SMARCA1: variants seen among roughly 807,000 people sequenced by gnomAD.
SMARCA1 encodes the protein SWI/SNF-related matrix-associated actin-dependent regulator of chromatin subfamily A member 1.
In SMARCA1, 17 loss-of-function variants were observed where a neutral mutation model predicts 93.6. That is an observed-to-expected ratio of 0.18 (90% CI 0.12 to 0.27). The LOEUF (loss-of-function observed/expected upper bound fraction) is 0.27. Ranked by LOEUF, SMARCA1 falls within the 10% of genes least tolerant of loss-of-function variation. The pLI, the probability that SMARCA1 is intolerant of heterozygous loss-of-function variation, is 1.00. For synonymous variants in SMARCA1, 271 were observed against 271.4 expected (o/e 1.00, Z 0.01); for missense variants, 630 against 819.0 (o/e 0.77, Z 2.82).
intron 24 of SMARCA1, 86 bp from the exon 25 acceptor site, chrX:129,447,319 T>TA (rs879017238): frequency 1.1e-3 from 1,055 of 975,493 alleles, no homozygotes; most frequent in Non-Finnish European, 1.2e-3. Flanking sequence ...GTAAATGCAT[T>TA]AAAAAAAAAT....
Position 129,487,022 on chromosome X carries a change from T to C in SMARCA1, c.2213A>G (p.Gln738Arg), listed in dbSNP as rs1220582729. Reference protein sequence around the residue: ...KFEGEDYREKQKLGMVEWIEP... With the variant: ...KFEGEDYREKRKLGMVEWIEP... ...TGGTTGAGAGTAAAAAGTTACCTTC[T>C]GTTTTTCTCTATAATCTTCTCCCTC... The change falls in exon 17 of 25, where the codon CAG (glutamine) becomes CGG (arginine). Residue 738 changes from glutamine to arginine, a missense_variant. Physicochemically the swap from Gln to Arg is conservative, Grantham distance 43. Coordinates refer to ENST00000371121, the MANE Select transcript of SMARCA1 (RefSeq NM_001282874.2). 1.7e-6 allele frequency: 2 copies of C among 1,170,034 alleles called. No homozygotes were observed. Among genetic ancestry groups the C allele is most frequent in the Non-Finnish European group, 2.3e-6 (2 of 868,937 alleles).
intron 5 of SMARCA1, among the ~76,000 whole-genome samples, chrX:129,515,230 C>T (rs1023326605): frequency 9.1e-6 from 1 of 110,106 alleles, no homozygotes; most frequent in African/African-American, 3.3e-5. Context: ...GGTGACTTAA[C>T]GAAACAATTC....
intron 9 of SMARCA1, among the ~76,000 whole-genome samples, chrX:129,501,440 C>T (rs1213920102): frequency 3.7e-5 from 4 of 109,264 alleles, no homozygotes; most frequent in Non-Finnish European, 5.7e-5. Context: ...GGACTACAGG[C>T]GCACGCCACC....
At chrX:129,459,950 G>C (rs960521196) in intron 23 of SMARCA1, among the ~76,000 whole-genome samples, 12 of 110,974 alleles carry the variant, frequency 1.1e-4, no homozygotes, top group African/African-American at 3.6e-4. Context: ...AGGTGTTCAA[G>C]ACCAGCCTGG....
At chrX:129,497,417 T>A (rs1001112989) in intron 11 of SMARCA1, among the ~76,000 whole-genome samples, 4 of 111,799 alleles carry the variant, frequency 3.6e-5, no homozygotes, top group Non-Finnish European at 7.5e-5. Flanking sequence ...TCTTTCCAGA[T>A]TCATCAACTG....
At chrX:129,511,688 C>A (rs1206286259) in intron 6 of SMARCA1, 116 bp downstream of exon 6, 10 of 539,408 alleles carry the variant, frequency 1.9e-5, no homozygotes, top group Non-Finnish European at 3.0e-5. Flanking sequence ...AGTACATACA[C>A]CTTAAGTCTT....
At chrX:129,488,876 T>A (rs753864445) in intron 16 of SMARCA1, 61 bp downstream of exon 16, 11 of 708,603 alleles carry the variant, frequency 1.6e-5, no homozygotes, top group Non-Finnish European at 2.4e-5. Flanking sequence ...AATATAAGTA[T>A]GCTGAAGTAT....
At chrX:129,454,069 G>C (rs768994646) in intron 23 of SMARCA1, among the ~76,000 whole-genome samples, 21 of 111,836 alleles carry the variant, frequency 1.9e-4, no homozygotes, top group African/African-American at 6.8e-4. Flanking sequence ...AACCAAAACA[G>C]CATGATATTG....
intron 23 of SMARCA1, among the ~76,000 whole-genome samples, chrX:129,462,189 T>A (rs1371675069): frequency 8.9e-6 from 1 of 112,214 alleles, no homozygotes; most frequent in Non-Finnish European, 1.9e-5. Flanking sequence ...AAAGGTATCT[T>A]TAGTAAGCTA....
rs757098536 is a variant in SMARCA1 at position 129,482,182 on chromosome X, G to A, written c.2218-997C>T. 1.6e-4 allele frequency among the ~76,000 whole-genome samples: 12 copies of A among 74,439 alleles called. No individual in the cohort carries two copies. In the East Asian group the frequency reaches 6.3e-3, roughly 39 times the overall value. The allele number at this position is 74,439 out of a possible 115,157, so 64.6% of individuals were successfully genotyped here. Reference sequence around the variant, plus strand: ...AATATCACACTCTGGGGACTGTTGTGGGGTGGGGGGAGGGGGGAGGGATAG... The same window carrying A: ...AATATCACACTCTGGGGACTGTTGTAGGGTGGGGGGAGGGGGGAGGGATAG... On this transcript the variant is annotated intron_variant, in intron 17 of 24. Coordinates refer to ENST00000371121, the MANE Select transcript of SMARCA1 (RefSeq NM_001282874.2).
intron 11 of SMARCA1, among the ~76,000 whole-genome samples, chrX:129,497,500 C>A (rs1750798860): frequency 8.9e-6 from 1 of 111,830 alleles, no homozygotes; most frequent in African/African-American, 3.3e-5. Context: ...CCCTGGAAAA[C>A]CCTTCCCCTC....
At chrX:129,504,624 T>C (rs970127073) in intron 9 of SMARCA1, 110 bp downstream of exon 9, 3 of 367,231 alleles carry the variant, frequency 8.2e-6, no homozygotes, top group African/African-American at 6.0e-5. Flanking sequence ...AACAGTGACA[T>C]TGAGCCAAGA....
chrX:129,509,842 T>C (rs1329179130), intron 6 of SMARCA1, among the ~76,000 whole-genome samples: 1 of 112,094 alleles, frequency 8.9e-6, no homozygotes, highest in South Asian at 3.7e-4. Flanking sequence ...AGCACATTGG[T>C]ATCAATCAGA....
chrX:129,521,181 C>T (rs1935380054), intron 1 of SMARCA1, among the ~76,000 whole-genome samples: 1 of 111,803 alleles, frequency 8.9e-6, no homozygotes, highest in East Asian at 2.8e-4. Context: ...CCACCGCGCC[C>T]GGCTGGAAAA....
At chrX:129,451,114 C>T (rs1165895645) in intron 23 of SMARCA1, among the ~76,000 whole-genome samples, 2 of 112,052 alleles carry the variant, frequency 1.8e-5, no homozygotes, top group African/African-American at 3.2e-5. Context: ...TATCTTCAAT[C>T]ACCCAGGGTT....
intron 13 of SMARCA1, among the ~76,000 whole-genome samples, 197 bp downstream of exon 13, chrX:129,492,843 G>A (rs944909114): frequency 2.8e-4 from 31 of 111,033 alleles, no homozygotes; most frequent in African/African-American, 8.5e-4. Context: ...GTTCATTCTC[G>A]CTAGTAATCA....
intron 20 of SMARCA1, among the ~76,000 whole-genome samples, chrX:129,470,659 A>T (rs1388641788): frequency 9.0e-6 from 1 of 111,354 alleles, no homozygotes; most frequent in East Asian, 2.8e-4. Context: ...ACTTGAGGTC[A>T]GGAGTTTGAG....
At chrX:129,518,844 A>G (rs1263809822) in intron 1 of SMARCA1, among the ~76,000 whole-genome samples, 2 of 111,606 alleles carry the variant, frequency 1.8e-5, no homozygotes. Flanking sequence ...GTAAATATTA[A>G]TTCTAAGAAA....
chrX:129,482,324 A>G (rs980124707), intron 17 of SMARCA1, among the ~76,000 whole-genome samples: 4 of 110,439 alleles, frequency 3.6e-5, no homozygotes, highest in African/African-American at 1.3e-4. Flanking sequence ...TAAAACTTAA[A>G]GTATAATTTA....
Sources: gnomAD v4.1 joint callset for allele counts (sites outside exome capture counted in the v4.1 genomes callset) on GRCh38, gnomAD v4.1.1 for gene constraint, MANE v1.5 for transcripts, NCBI Gene and HGNC (gene_info 2026-07-23, HGNC 2026-07-21) for gene names.